Variants in LRP1 observed in about 807,000 individuals in gnomAD.
LRP1 encodes the protein LDL receptor related protein 1.
Under a neutral mutation model 541.5 loss-of-function variants are expected in LRP1, and 51 were observed. The observed-to-expected ratio is 0.09, with a 90% confidence interval of 0.08 to 0.12. LRP1 has a LOEUF of 0.12. LRP1 is among the 10% of genes least tolerant of loss of function. LRP1 has a pLI of 1.00. For missense variants in LRP1, 3,878 were observed against 6,376.2 expected, an observed-to-expected ratio of 0.61 and a Z score of 13.34; for synonymous variants, 2,219 against 2,470.8, an observed-to-expected ratio of 0.90 and a Z score of 3.02.
rs754665275 is a variant in LRP1 at position 57,194,698 on chromosome 12, C to T, written c.8190C>T (p.Cys2730=). Residue 2730 remains cysteine, a splice_region_variant and synonymous_variant, in exon 50 of 89, where the codon TGC becomes TGT. Transcript: ENST00000243077. ...AACATGGCGAGGACGAGACCCACTGCAGTGAGTGACCACTGCACCCACTCA... is the reference window on the plus strand; with the variant it reads ...AACATGGCGAGGACGAGACCCACTGTAGTGAGTGACCACTGCACCCACTCA... ...DCEHGEDETH[C]NKFCSEAQFE... 10 of 1,558,446 alleles carry T rather than the reference C, an allele frequency of 6.4e-6. No homozygotes were observed. Among genetic ancestry groups the T allele is most frequent in the Non-Finnish European group, 8.7e-6 (10 of 1,151,492 alleles).
At chr12:57,186,830 T>G (rs952552088) in intron 41 of LRP1, among the ~76,000 whole-genome samples, 9 of 152,244 alleles carry the variant, frequency 5.9e-5, no homozygotes, top group Non-Finnish European at 1.3e-4. Flanking sequence ...CGGCTGTGTC[T>G]CTCACTGTGC....
Position 57,206,177 on chromosome 12 carries a change from G to A in LRP1, c.11591-296G>A, listed in dbSNP as rs530155643. ...TGCCAGGCAGTTTGTAGCAGAGAGC[G>A]TGGTGATGCCATCCAGCAGCCGTGA... On this transcript the variant is annotated intron_variant, in intron 75 of 88. Coordinates refer to ENST00000243077, the MANE Select transcript of LRP1 (RefSeq NM_002332.3). The surrounding 1 kb of genome is among the most constrained non-coding windows in gnomAD (Gnocchi z 4.7). Among the ~76,000 whole-genome samples, 17 of 152,348 alleles carry A rather than the reference G, an allele frequency of 1.1e-4. No individual in the cohort carries two copies. The highest frequency in any genetic ancestry group is 3.4e-4 in the African/African-American group (14 of 41,586).
intron 22 of LRP1, among the ~76,000 whole-genome samples, chr12:57,174,661 A>G (rs2136697403): frequency 6.6e-6 from 1 of 152,306 alleles, no homozygotes; most frequent in Non-Finnish European, 1.5e-5. Context: ...GCTACTTGGG[A>G]GGCAGAGGCA....
rs371746871 is a variant in LRP1, at chr12:57,211,929, A to C, written c.13261A>C (p.Ile4421Leu). ...HVFSQQQPGH[I>L]ASILIPLLLL... ...AGTGTCCCACCTCTTCCCTCCAGAT[A>C]TAGCCTCCATCCTAATCCCTCTGCT... The change falls in exon 87 of 89, where the codon ATA becomes CTA. Residue 4421 changes from isoleucine to leucine, a missense_variant and splice_region_variant. This residue lies in a region of LRP1 where 871 missense variants were observed against 1,212.4 expected (regional missense o/e 0.72). Transcript: ENST00000243077. This position sits in a 1 kb window ranked among gnomAD's most constrained non-coding sequence, Gnocchi z 4.3. 1.9e-6 allele frequency: 3 copies of C among 1,613,848 alleles called. No individual in the cohort carries two copies. In the African/African-American group the frequency reaches 4.0e-5, roughly 22 times the overall value.
intron 4 of LRP1, 143 bp downstream of exon 4, chr12:57,143,941 G>C: frequency 9.5e-7 from 1 of 1,050,448 alleles, no homozygotes; most frequent in Non-Finnish European, 1.3e-6. Flanking sequence ...CACCACCCCA[G>C]GGCATGACTG....
At position 57,210,921 on chromosome 12, in the gene LRP1, G is replaced by A. The variant is rs1170964879; in HGVS notation, c.12916+42G>A. ...TGGGCCCCAGGGCATGCGGGAGGGT[G>A]ACGGGGGACCCCAGAGCATGGGGTG... On this transcript the variant is annotated intron_variant, in intron 83 of 88. Coordinates refer to ENST00000243077, the MANE Select transcript of LRP1 (RefSeq NM_002332.3). 4 of 1,588,290 alleles carry A rather than the reference G, an allele frequency of 2.5e-6. No individual in the cohort carries two copies. In the African/African-American group the frequency reaches 5.4e-5, roughly 21 times the overall value.
intron 62 of LRP1, 28 bp from the exon 63 acceptor site, chr12:57,200,414 A>ACCC: frequency 7.7e-7 from 1 of 1,294,090 alleles, no homozygotes; most frequent in Non-Finnish European, 1.1e-6. Flanking sequence ...ACCCCCACCA[A>ACCC]CCCCTCTTGC....
In LRP1 at chr12:57,158,542, G is replaced by A. The variant is rs748403383; in HGVS notation, c.1702G>A (p.Ala568Thr). 12 of 1,614,182 alleles carry A rather than the reference G, an allele frequency of 7.4e-6. No homozygotes were observed. The highest frequency in any genetic ancestry group is 1.1e-5 in the South Asian group (1 of 91,080). ...GAACCCCCGAGCCCTGGACTTCCAC[G>A]CTGAGACCGGCTTCATCTACTTTGC... ...LMNPRALDFHAETGFIYFADT... is the reference protein window; with the variant it reads ...LMNPRALDFHTETGFIYFADT... The change falls in exon 11 of 89, where the codon GCT becomes ACT. Residue 568 changes from alanine (A) to threonine (T), a missense_variant. Coordinates refer to ENST00000243077, the MANE Select transcript of LRP1 (RefSeq NM_002332.3). The surrounding 1 kb of genome is among the most constrained non-coding windows in gnomAD (Gnocchi z 5.3).
Position 57,184,407 on chromosome 12 carries a change from C to T in LRP1, c.6141C>T (p.Val2047=). ...ATGGCACGGAGCGTGTGGTGCTGGT[C>T]AACGTCAGCATCAGCTGGCCCAACG... is the stretch of plus-strand genomic sequence containing the variant. The part of the protein sequence containing the change: ...RLDGTERVVL[V]NVSISWPNGI... Residue 2047 remains valine, a synonymous_variant, in exon 38 of 89, where the codon GTC becomes GTT. Transcript: ENST00000243077. This position sits in a 1 kb window ranked among gnomAD's most constrained non-coding sequence, Gnocchi z 7.8. 6.2e-7 allele frequency: 1 copy of T among 1,614,196 alleles called. No individual in the cohort carries two copies. Among genetic ancestry groups the T allele is most frequent in the South Asian group, 1.1e-5 (1 of 91,074 alleles).
rs919299740 is a variant in LRP1 at position 57,156,516 on chromosome 12, T to G, written c.1417+233T>G. Among the ~76,000 whole-genome samples the G allele has an allele frequency of 6.6e-6, 1 of 152,180 alleles. No individual in the cohort carries two copies. The highest frequency in any genetic ancestry group is 2.4e-5 in the African/African-American group (1 of 41,436). ...TCCCACTCTGTCCCTCCCATTCCCCTTGCCAGTCTGGAGCAGTAGCACCTG... is the reference window on the plus strand; with the variant it reads ...TCCCACTCTGTCCCTCCCATTCCCCGTGCCAGTCTGGAGCAGTAGCACCTG... On this transcript the variant is annotated intron_variant, in intron 9 of 88. Coordinates refer to ENST00000243077, the MANE Select transcript of LRP1 (RefSeq NM_002332.3). The surrounding 1 kb of genome is among the most constrained non-coding windows in gnomAD (Gnocchi z 5.2).
chr12:57,136,529 G>A (rs901824956), intron 1 of LRP1, among the ~76,000 whole-genome samples: 1 of 152,128 alleles, frequency 6.6e-6, no homozygotes, highest in African/African-American at 2.4e-5. Flanking sequence ...GCACCCTGAT[G>A]CCTAGTGCAG....
At chr12:57,142,396 G>A (rs900285976) in intron 3 of LRP1, among the ~76,000 whole-genome samples, 4 of 152,230 alleles carry the variant, frequency 2.6e-5, no homozygotes, top group Non-Finnish European at 5.9e-5. Context: ...ATCTGTCTGT[G>A]GGAGGAGACT....
chr12:57,182,914 T>C (rs1457214649), intron 34 of LRP1, among the ~76,000 whole-genome samples: 1 of 151,064 alleles, frequency 6.6e-6, no homozygotes, highest in Non-Finnish European at 1.5e-5. Flanking sequence ...GGGGGTTGAG[T>C]TTTTGATGTT....
rs1420175376 is a variant in LRP1 at position 57,128,901 on chromosome 12, G to A, written c.-64G>A. Reference sequence around the variant, plus strand: ...GAAAAGGGGGACCCCCCAACTGGGGGGGGTGAAGGAGAGAAGTAGCAGGAC... The same window carrying A: ...GAAAAGGGGGACCCCCCAACTGGGGAGGGTGAAGGAGAGAAGTAGCAGGAC... On this transcript the variant is annotated 5_prime_UTR_variant, in exon 1 of 89. Transcript: ENST00000243077. 9 of 1,416,390 alleles carry A rather than the reference G, an allele frequency of 6.4e-6. No individual in the cohort carries two copies. Among genetic ancestry groups the A allele is most frequent in the East Asian group, 5.1e-5 (2 of 38,994 alleles). 87.7% of individuals were successfully genotyped at this position (1,416,390 alleles called of 1,614,324 possible).
chr12:57,146,396 G>T (rs1305837979), intron 6 of LRP1: 1 of 152,228 alleles, frequency 6.6e-6, no homozygotes, highest in African/African-American at 2.4e-5. Flanking sequence ...TAATGGGTTT[G>T]AGCTTGTCTG....
At chr12:57,129,772 G>A (rs2034999425) in intron 1 of LRP1, among the ~76,000 whole-genome samples, 1 of 152,210 alleles carries the variant, frequency 6.6e-6, no homozygotes. Flanking sequence ...CATCACTGGG[G>A]AAGGGGACTG....
chr12:57,212,434 C>T lies in LRP1; in HGVS notation c.13514C>T (p.Pro4505Leu). 6.2e-7 allele frequency: 1 copy of T among 1,614,146 alleles called. No homozygotes were observed. The highest frequency in any genetic ancestry group is 8.5e-7 in the Non-Finnish European group (1 of 1,180,024). ...DPDKPTNFTN[P>L]VYATLYMGGH... Reference sequence around the variant, plus strand: ...CTGCAGCCCACCAACTTCACCAACCCCGTGTATGCCACACTCTACATGGGG... The same window carrying T: ...CTGCAGCCCACCAACTTCACCAACCTCGTGTATGCCACACTCTACATGGGG... Residue 4505 changes from proline (P) to leucine (L), a missense_variant, in exon 89 of 89, where the codon CCC becomes CTC. By Grantham distance (98) the Pro-to-Leu change is moderately conservative (BLOSUM62 -3). Transcript: ENST00000243077. This position sits in a 1 kb window ranked among gnomAD's most constrained non-coding sequence, Gnocchi z 5.0.
intron 4 of LRP1, 101 bp from the exon 5 acceptor site, chr12:57,144,871 G>C: frequency 8.3e-7 from 1 of 1,201,558 alleles, no homozygotes; most frequent in Non-Finnish European, 1.2e-6. Context: ...TGTCCTTCAA[G>C]GTAGCTGTAA....
intron 1 of LRP1, among the ~76,000 whole-genome samples, chr12:57,136,404 C>CCA (rs1555179786): frequency 6.7e-6 from 1 of 148,276 alleles, no homozygotes; most frequent in African/African-American, 2.5e-5. Flanking sequence ...AGCCCCCCCC[C>CCA]CCCGCCATTT....
Sources: gnomAD v4.1 joint callset for allele counts (sites outside exome capture counted in the v4.1 genomes callset) on GRCh38, gnomAD v4.1.1 for gene constraint, gnomAD v4.1.1 regional missense constraint, Gnocchi (gnomAD v3.1) non-coding constraint, MANE v1.5 for transcripts, NCBI Gene and HGNC (gene_info 2026-07-23, HGNC 2026-07-21) for gene names.